Variants in AKAP13 observed in about 807,000 individuals in gnomAD.
The protein encoded by AKAP13 is A-kinase anchoring protein 13, also known as A-kinase anchor protein 13.
In AKAP13, 80 loss-of-function variants were observed where a neutral mutation model predicts 264.5. The ratio of observed to expected loss-of-function variants is 0.30; its 90% CI spans 0.25 to 0.36. The LOEUF (loss-of-function observed/expected upper bound fraction) is 0.36. AKAP13 is among the 10% of genes least tolerant of loss of function. AKAP13 has a pLI of 1.00. For missense variants in AKAP13, 3,712 were observed against 3,435.2 expected (o/e 1.08, Z -2.01); for synonymous variants, 1,380 against 1,250.2 (o/e 1.10, Z -2.19).
chr15:85,572,022 C>T (rs1008512128), intron 5 of AKAP13, among the ~76,000 whole-genome samples: 1 of 152,058 alleles, frequency 6.6e-6, no homozygotes, highest in African/African-American at 2.4e-5. Context: ...GGTAAGTAGG[C>T]TGTGGTTAGA....
At chr15:85,418,380 C>G (rs928643807) in intron 1 of AKAP13, among the ~76,000 whole-genome samples, 5 of 152,136 alleles carry the variant, frequency 3.3e-5, no homozygotes, top group Admixed American at 6.5e-5. Flanking sequence ...CCATGCCTGG[C>G]CTTTTGTACC....
chr15:85,419,991 G>T (rs1380793098), intron 1 of AKAP13, among the ~76,000 whole-genome samples: 5 of 142,832 alleles, frequency 3.5e-5, no homozygotes, highest in Admixed American at 1.5e-4. Context: ...GCCCAGGCTG[G>T]AGTGCAGTGG....
At position 85,543,954 on chromosome 15, in the gene AKAP13, G is replaced by C; in HGVS notation, c.661G>C (p.Glu221Gln). The C allele has an allele frequency of 1.9e-6, 3 of 1,611,388 alleles. No individual in the cohort carries two copies. The highest frequency in any genetic ancestry group is 1.1e-5 in the South Asian group (1 of 90,984). The stretch of plus-strand genomic sequence containing the variant: ...TCACAAGCTGCACCAGCTTCTAACC[G>C]AGTAAGTGCTCCTTCTGCCTTATTT... ...GYHKLHQLLT[E>Q]ENAGEPDSWS... Residue 221 changes from glutamate to glutamine, a missense_variant and splice_region_variant, in exon 5 of 37, where the codon GAG (glutamate) becomes CAG (glutamine). This residue lies in a region of AKAP13 where 2,759 missense variants were observed against 2,411.7 expected (regional missense o/e 1.14). Coordinates refer to ENST00000394518, the MANE Select transcript of AKAP13 (RefSeq NM_007200.5).
At chr15:85,517,349 A>AC (rs1013425728) in intron 2 of AKAP13, among the ~76,000 whole-genome samples, 2 of 125,196 alleles carry the variant, frequency 1.6e-5, no homozygotes, top group Non-Finnish European at 3.4e-5. Context: ...TTCCCATCAC[A>AC]CTTTTTTTTT....
chr15:85,622,815 C>T (rs1459439299), intron 8 of AKAP13, among the ~76,000 whole-genome samples: 1 of 152,160 alleles, frequency 6.6e-6, no homozygotes, highest in Non-Finnish European at 1.5e-5. Flanking sequence ...GTTTTTCCTG[C>T]TATTCTAGAC....
At chr15:85,679,329 A>G (rs2084451840) in intron 14 of AKAP13, among the ~76,000 whole-genome samples, 2 of 152,150 alleles carry the variant, frequency 1.3e-5, no homozygotes, top group Admixed American at 1.3e-4. Flanking sequence ...ATCCGACACA[A>G]TGGAACCCTA....
At chr15:85,620,400 T>C (rs954119231) in intron 8 of AKAP13, among the ~76,000 whole-genome samples, 7 of 152,182 alleles carry the variant, frequency 4.6e-5, no homozygotes, top group Admixed American at 3.9e-4. Flanking sequence ...GTAATTTTAC[T>C]TTCATTAAAA....
chr15:85,660,134 C>A (rs930369574), intron 12 of AKAP13, among the ~76,000 whole-genome samples: 3 of 151,980 alleles, frequency 2.0e-5, no homozygotes, highest in Admixed American at 1.3e-4. Flanking sequence ...AGATGGATTG[C>A]GTGAGCCCGG....
intron 8 of AKAP13, among the ~76,000 whole-genome samples, chr15:85,617,391 G>A (rs542212531): frequency 7.2e-5 from 11 of 152,312 alleles, no homozygotes; most frequent in Admixed American, 2.0e-4. Flanking sequence ...CTACAGGCAT[G>A]TGCCAACATG....
At chr15:85,585,674 G>A (rs377584290) in intron 7 of AKAP13, 28 bp from the exon 8 acceptor site, 3 of 1,613,464 alleles carry the variant, frequency 1.9e-6, no homozygotes, top group Non-Finnish European at 2.5e-6. Flanking sequence ...TTTTAAAAAT[G>A]TACTCTGTAA....
chr15:85,527,848 A>G (rs919739171), intron 3 of AKAP13, among the ~76,000 whole-genome samples: 9 of 152,210 alleles, frequency 5.9e-5, no homozygotes, highest in African/African-American at 2.2e-4. Flanking sequence ...AAGGAAGAAA[A>G]AGACACCAGA....
At position 85,697,128 on chromosome 15, in the gene AKAP13, A is replaced by G. The variant is rs567020222; in HGVS notation, c.5464+3677A>G. 5.9e-5 allele frequency among the ~76,000 whole-genome samples: 9 copies of G among 152,364 alleles called. No individual in the cohort carries two copies. The South Asian group carries it at 1.9e-3, about 32-fold the overall frequency. The stretch of plus-strand genomic sequence containing the variant: ...AGATGTAGAACTGCTCCATTGGGTT[A>G]GGTTGACAAATCAGTATACCCAAGG... On this transcript the variant is annotated intron_variant, in intron 17 of 36. Coordinates refer to ENST00000394518, the MANE Select transcript of AKAP13 (RefSeq NM_007200.5).
At chr15:85,610,303 C>T (rs528441851) in intron 8 of AKAP13, among the ~76,000 whole-genome samples, 2 of 152,170 alleles carry the variant, frequency 1.3e-5, no homozygotes, top group Non-Finnish European at 2.9e-5. Context: ...GTTGCCTCTT[C>T]CCTTCTTTTT....
chr15:85,387,921 A>C (rs977833423), intron 1 of AKAP13, among the ~76,000 whole-genome samples: 1 of 152,082 alleles, frequency 6.6e-6, no homozygotes, highest in Non-Finnish European at 1.5e-5. Flanking sequence ...TGCTAAACTC[A>C]TTTTTAGTAA....
chr15:85,560,808 G>T (rs1162047209), intron 5 of AKAP13, among the ~76,000 whole-genome samples: 1 of 152,080 alleles, frequency 6.6e-6, no homozygotes, highest in East Asian at 1.9e-4. Flanking sequence ...TAAATTTCAA[G>T]GAATTGTATA....
chr15:85,506,242 C>T (rs2076218161), intron 2 of AKAP13, among the ~76,000 whole-genome samples: 1 of 152,132 alleles, frequency 6.6e-6, no homozygotes. Context: ...TGAGATTGTG[C>T]CACTGCACTC....
At chr15:85,680,102 G>T (rs1331217693) in intron 14 of AKAP13, among the ~76,000 whole-genome samples, 1 of 152,068 alleles carries the variant, frequency 6.6e-6, no homozygotes, top group Non-Finnish European at 1.5e-5. Context: ...CTTATGATTG[G>T]CCCTGCTTTG....
chr15:85,744,329 T>C (rs1402675191), intron 36 of AKAP13: 2 of 364,204 alleles, frequency 5.5e-6, no homozygotes, highest in South Asian at 2.9e-5. Flanking sequence ...CCTGAATCCT[T>C]CTCTTTAGGA....
At chr15:85,381,484 A>G (rs2070258215) in intron 1 of AKAP13, among the ~76,000 whole-genome samples, 1 of 126,036 alleles carries the variant, frequency 7.9e-6, no homozygotes, top group Non-Finnish European at 1.8e-5. Context: ...TACCAAACAA[A>G]ACTTTTTTTT....
Sources: allele counts gnomAD v4.1 joint callset (sites outside exome capture counted in the v4.1 genomes callset), GRCh38; gene constraint gnomAD v4.1.1; regional missense constraint gnomAD v4.1.1; transcripts MANE v1.5; gene names NCBI Gene and HGNC (gene_info 2026-07-23, HGNC 2026-07-21).